TOP2B: variants seen among roughly 807,000 people sequenced by gnomAD.
The protein encoded by TOP2B is DNA topoisomerase 2-beta.
A neutral mutation model predicts 193.5 loss-of-function variants in TOP2B; 51 were observed. That is an observed-to-expected ratio of 0.26 (90% CI 0.21 to 0.33). TOP2B has a LOEUF of 0.33. TOP2B is among the 10% of genes least tolerant of loss of function. The pLI, the probability that TOP2B is intolerant of heterozygous loss-of-function variation, is 1.00. For missense variants in TOP2B, 1,378 were observed against 1,909.3 expected (o/e 0.72, Z 5.19); for synonymous variants, 634 against 635.7 (o/e 1.00, Z 0.04).
intron 1 of TOP2B, among the ~76,000 whole-genome samples, chr3:25,655,286 G>T (rs1052100107): frequency 2.6e-5 from 4 of 152,060 alleles, no homozygotes; most frequent in Admixed American, 6.5e-5. Flanking sequence ...CATATGAAAA[G>T]ATAATCAACA....
At chr3:25,649,333 G>T (rs915277209) in intron 1 of TOP2B, among the ~76,000 whole-genome samples, 4 of 152,100 alleles carry the variant, frequency 2.6e-5, no homozygotes, top group Non-Finnish European at 5.9e-5. Context: ...CCTATTTGAA[G>T]AAATAATAGC....
Position 25,601,100 on chromosome 3 carries a change from C to G in TOP2B, c.4615G>C (p.Gly1539Arg). The change falls in exon 34 of 36, where the codon GGT (glycine) becomes CGT (arginine). Residue 1539 changes from glycine (G) to arginine (R), a missense_variant and splice_region_variant. Gly to Arg is a moderately radical substitution (Grantham distance 125). Coordinates refer to ENST00000264331, the MANE Select transcript of TOP2B (RefSeq NM_001330700.2). ...AGGGTTATAAGAAGATAATCCTCAC[C>G]TTTTGGTGTTGTAGTCTTCTTTGGA... ...GIPKKTTTPK[G>R]KGRGAKKRKA... The G allele has an allele frequency of 6.2e-7, 1 of 1,613,204 alleles. No individual in the cohort carries two copies. Among genetic ancestry groups the G allele is most frequent in the East Asian group, 2.2e-5 (1 of 44,844 alleles).
At chr3:25,626,714 G>A in intron 17 of TOP2B, 40 bp from the exon 18 acceptor site, 1 of 1,511,906 alleles carries the variant, frequency 6.6e-7, no homozygotes, top group Non-Finnish European at 9.0e-7. Flanking sequence ...CATTATTACT[G>A]CATGAATTCT....
chr3:25,641,702 T>G (rs1703269298), intron 4 of TOP2B, among the ~76,000 whole-genome samples: 1 of 152,120 alleles, frequency 6.6e-6, no homozygotes, highest in Admixed American at 6.5e-5. Context: ...ATTAGATTTT[T>G]ATGTTTACTA....
chr3:25,618,629 C>G, intron 24 of TOP2B, 25 bp downstream of exon 24: 1 of 1,569,356 alleles, frequency 6.4e-7, no homozygotes. Context: ...AACTAATGTT[C>G]AAATTTTTAA....
In TOP2B at chr3:25,618,698, T is replaced by C. The variant is rs1202622029; in HGVS notation, c.3215A>G (p.Gln1072Arg). The C allele has an allele frequency of 6.2e-7, 1 of 1,613,336 alleles. No individual in the cohort carries two copies. Among genetic ancestry groups the C allele is most frequent in the East Asian group, 2.2e-5 (1 of 44,820 alleles). ...TATCTTCTCTAAAATGAAACGGGCT[T>C]GATTGTTAAGCTTTGTAGATTCTGC... ...LGAESTKLNN[Q>R]ARFILEKIQG... Residue 1072 changes from glutamine (Q) to arginine (R), a missense_variant, in exon 24 of 36, where the codon CAA (glutamine) becomes CGA (arginine). By Grantham distance (43) the Gln-to-Arg change is conservative (BLOSUM62 1). This residue lies in a region of TOP2B where 379 missense variants were observed against 615.1 expected (regional missense o/e 0.62). Coordinates refer to ENST00000264331, the MANE Select transcript of TOP2B (RefSeq NM_001330700.2).
rs376162589 is a variant in TOP2B, at chr3:25,628,888, T to C, written c.1865A>G (p.His622Arg). ...SIPEFDEWKK[H>R]IENQKAWKIK... is the part of the protein sequence containing the mutation. ...TTTCCAGGCTTTCTGGTTTTCTATA[T>C]GTTTTTTCCATTCGTCAAATTCAGG... The change falls in exon 15 of 36, where the codon CAT becomes CGT. Residue 622 changes from histidine to arginine, a missense_variant. This residue lies in a region of TOP2B where 379 missense variants were observed against 615.1 expected (regional missense o/e 0.62). Coordinates refer to ENST00000264331, the MANE Select transcript of TOP2B (RefSeq NM_001330700.2). 1.6e-4 allele frequency: 256 copies of C among 1,596,960 alleles called. No homozygotes were observed. Among genetic ancestry groups the C allele is most frequent in the Non-Finnish European group, 2.1e-4 (247 of 1,174,736 alleles).
At position 25,664,902 on chromosome 3, in the gene TOP2B, A is replaced by G. The variant is rs1704046798; in HGVS notation, c.-605T>C. ...TCCCTCTTGTCCGGCATAACACCGCACACACACATTTGCACACCGGGGAGA... is the reference window on the plus strand; with the variant it reads ...TCCCTCTTGTCCGGCATAACACCGCGCACACACATTTGCACACCGGGGAGA... On this transcript the variant is annotated 5_prime_UTR_variant, in exon 1 of 36. Transcript: ENST00000264331. The G allele has an allele frequency of 2.0e-6, 2 of 988,798 alleles. No homozygotes were observed. Among genetic ancestry groups the G allele is most frequent in the African/African-American group, 1.8e-5 (1 of 57,116 alleles). The allele number at this position is 988,798 out of a possible 1,614,324, so 61.3% of individuals were successfully genotyped here.
Position 25,609,412 on chromosome 3 carries a change from T to C in TOP2B, c.3932-68A>G, listed in dbSNP as rs570193654. On this transcript the variant is annotated intron_variant, in intron 29 of 35. Transcript: ENST00000264331. ...AGAAATGTCATTAGTAAAAATAAAA[T>C]TGTTATAATGAAAAGTTCATTACAA... The C allele has an allele frequency of 6.1e-6, 9 of 1,471,098 alleles. No homozygotes were observed. In the East Asian group the frequency reaches 1.2e-4, roughly 20 times the overall value. 91.1% of individuals were successfully genotyped at this position (1,471,098 alleles called of 1,614,324 possible). A position where few individuals can be genotyped will look rare whatever the true frequency, so the allele number is the denominator to read the frequency against.
chr3:25,632,042 T>C (rs930178974), intron 10 of TOP2B, among the ~76,000 whole-genome samples: 2 of 152,048 alleles, frequency 1.3e-5, no homozygotes, highest in African/African-American at 2.4e-5. Flanking sequence ...TAAGAACATG[T>C]AGAAAATAGT....
chr3:25,615,423 G>A lies in TOP2B; in HGVS notation c.3507+8C>T, dbSNP rs1338535614. On this transcript the variant is annotated splice_region_variant and intron_variant, in intron 26 of 35. Transcript: ENST00000264331. ...GTTTCAAACTATTTAACCCACAAAA[G>A]TTCATACTTTTGCATCTCTCTGTTT... is the stretch of plus-strand genomic sequence containing the variant. The A allele has an allele frequency of 6.5e-7, 1 of 1,538,826 alleles. No homozygotes were observed. Among genetic ancestry groups the A allele is most frequent in the East Asian group, 2.3e-5 (1 of 42,834 alleles).
chr3:25,620,806 T>C lies in TOP2B; in HGVS notation c.2738A>G (p.Tyr913Cys). The change falls in exon 22 of 36, where the codon TAC (tyrosine) becomes TGC (cysteine). Residue 913 changes from tyrosine (Y) to cysteine (C), a missense_variant. By Grantham distance (194) the Tyr-to-Cys change is radical. This residue lies in a region of TOP2B where 379 missense variants were observed against 615.1 expected (regional missense o/e 0.62). Coordinates refer to ENST00000264331, the MANE Select transcript of TOP2B (RefSeq NM_001330700.2). Reference protein sequence around the residue: ...GLDPHPMLPNYKNFKGTIQEL... With the variant: ...GLDPHPMLPNCKNFKGTIQEL... ...TTGAATCGTGCCTTTAAAGTTTTTG[T>C]AGTTTGGAAGCTGTAGAGAAAAAGG... is the stretch of plus-strand genomic sequence containing the variant. 1 of 1,613,332 alleles carries C rather than the reference T, an allele frequency of 6.2e-7. No individual in the cohort carries two copies. Among genetic ancestry groups the C allele is most frequent in the Non-Finnish European group, 8.5e-7 (1 of 1,179,530 alleles).
chr3:25,628,657 T>C (rs981394912), intron 15 of TOP2B, among the ~76,000 whole-genome samples, 190 bp downstream of exon 15: 1 of 152,140 alleles, frequency 6.6e-6, no homozygotes, highest in Non-Finnish European at 1.5e-5. Flanking sequence ...GCCATTGAAA[T>C]GGTGATCCCA....
chr3:25,644,819 G>A lies in TOP2B; in HGVS notation c.240+481C>T, dbSNP rs926979904. ...GATTTTTGTTTTTTGTTTTGAGATG[G>A]AGTCTCGCCCTGTCGCCCAGGCTGG... On this transcript the variant is annotated intron_variant, in intron 2 of 35. Coordinates refer to ENST00000264331, the MANE Select transcript of TOP2B (RefSeq NM_001330700.2). Among the ~76,000 whole-genome samples, 27 of 151,850 alleles carry A rather than the reference G, an allele frequency of 1.8e-4. 1 individual carries two copies. Among genetic ancestry groups the A allele is most frequent in the Admixed American group, 1.2e-3 (18 of 15,260 alleles).
At chr3:25,633,794 A>C in intron 8 of TOP2B, 47 bp downstream of exon 8, 1 of 1,442,808 alleles carries the variant, frequency 6.9e-7, no homozygotes, top group Non-Finnish European at 9.2e-7. Context: ...TTTTTATTGA[A>C]GTACTGTTCT....
intron 28 of TOP2B, among the ~76,000 whole-genome samples, chr3:25,610,516 A>G (rs1250540251): frequency 2.6e-5 from 4 of 152,246 alleles, no homozygotes; most frequent in Admixed American, 1.3e-4. Context: ...CCCAGGCAGA[A>G]GGCACAAAGC....
intron 1 of TOP2B, among the ~76,000 whole-genome samples, chr3:25,658,463 G>C (rs1703816212): frequency 6.6e-6 from 1 of 151,910 alleles, no homozygotes; most frequent in Non-Finnish European, 1.5e-5. Flanking sequence ...GACAATAAAA[G>C]TGTAAAATAA....
intron 5 of TOP2B, among the ~76,000 whole-genome samples, chr3:25,637,732 C>T (rs1703143591): frequency 1.3e-5 from 2 of 151,910 alleles, no homozygotes; most frequent in South Asian, 4.1e-4. Context: ...CCTATTTGGG[C>T]AACATAAATA....
At position 25,609,220 on chromosome 3, in the gene TOP2B, C is replaced by T. The variant is rs1375370212; in HGVS notation, c.4056G>A (p.Val1352=). The change falls in exon 30 of 36, where the codon GTG becomes GTA. Residue 1352 remains valine (V), a synonymous_variant. Transcript: ENST00000264331. ...TAAGCAAAGAATCTCTTGGAATAAC[C>T]ACAGGTTCTGTTTCTTCCAAATCAC... ...SESDLEETEP[V]VIPRDSLLRR... The T allele has an allele frequency of 3.7e-6, 6 of 1,608,754 alleles. No individual in the cohort carries two copies. The African/African-American group carries it at 6.7e-5, about 18-fold the overall frequency.
Sources: gnomAD v4.1 joint callset for allele counts (sites outside exome capture counted in the v4.1 genomes callset) on GRCh38, gnomAD v4.1.1 for gene constraint, gnomAD v4.1.1 regional missense constraint, MANE v1.5 for transcripts, NCBI Gene and HGNC (gene_info 2026-07-23, HGNC 2026-07-21) for gene names.